Variants in CCDC149 observed in about 807,000 individuals in gnomAD.
CCDC149 encodes coiled-coil domain containing 149, also known as coiled-coil domain-containing protein 149.
In CCDC149, 45 loss-of-function variants were observed where a neutral mutation model predicts 59.9. The observed-to-expected ratio is 0.75, with a 90% CI of 0.59 to 0.96. The LOEUF (loss-of-function observed/expected upper bound fraction) is 0.96. CCDC149 is among the 40% of genes least tolerant of loss of function. The pLI, the probability that CCDC149 is intolerant of heterozygous loss-of-function variation, is 0.00. For synonymous variants in CCDC149, 245 were observed against 260.6 expected, an observed-to-expected ratio of 0.94 and a Z score of 0.58; for missense variants, 584 against 664.7, an observed-to-expected ratio of 0.88 and a Z score of 1.33.
intron 3 of CCDC149, among the ~76,000 whole-genome samples, chr4:24,862,751 T>C (rs1181605933): frequency 1.3e-5 from 2 of 152,232 alleles, no homozygotes; most frequent in African/African-American, 4.8e-5. Flanking sequence ...TCCTGGTTGC[T>C]TTCCCACAAT....
intron 4 of CCDC149, among the ~76,000 whole-genome samples, chr4:24,842,280 T>C (rs1716985175): frequency 1.3e-5 from 2 of 152,272 alleles, no homozygotes; most frequent in South Asian, 4.2e-4. Context: ...GTAATTATCA[T>C]CCTCCTCCTC....
intron 4 of CCDC149, among the ~76,000 whole-genome samples, chr4:24,847,022 TC>T (rs1267527671): frequency 6.6e-6 from 1 of 152,182 alleles, no homozygotes; most frequent in East Asian, 1.9e-4. Context: ...GCAAGAAAGT[TC>T]CCAGGAGCTT....
chr4:24,973,473 A>T (rs1367521099), intron 1 of CCDC149, among the ~76,000 whole-genome samples: 4 of 152,230 alleles, frequency 2.6e-5, no homozygotes, highest in South Asian at 2.1e-4. Context: ...AAGTGCATTT[A>T]AAAAAAGTCT....
At chr4:24,890,331 G>A (rs373242746) in intron 1 of CCDC149, among the ~76,000 whole-genome samples, 6 of 152,170 alleles carry the variant, frequency 3.9e-5, no homozygotes, top group South Asian at 4.2e-4. Flanking sequence ...CTTTACAGGC[G>A]AAGAAACTAA....
intron 1 of CCDC149, among the ~76,000 whole-genome samples, chr4:24,935,479 T>G (rs1421372430): frequency 6.6e-6 from 1 of 152,200 alleles, no homozygotes; most frequent in Admixed American, 6.5e-5. Flanking sequence ...ACCCCCAATA[T>G]GAAGGTATAA....
intron 1 of CCDC149, among the ~76,000 whole-genome samples, chr4:24,879,340 A>G (rs997839895): frequency 1.3e-5 from 2 of 151,942 alleles, no homozygotes; most frequent in Non-Finnish European, 2.9e-5. Context: ...CAAGATGGCA[A>G]AACCCCCTCT....
chr4:24,968,804 G>T (rs1190568716), intron 1 of CCDC149, among the ~76,000 whole-genome samples: 2 of 152,242 alleles, frequency 1.3e-5, no homozygotes, highest in East Asian at 1.9e-4. Flanking sequence ...GTCTATTGGG[G>T]CTTAACCTTG....
At chr4:24,876,004 G>A (rs567963718) in intron 2 of CCDC149, among the ~76,000 whole-genome samples, 3 of 152,094 alleles carry the variant, frequency 2.0e-5, no homozygotes, top group African/African-American at 2.4e-5. Context: ...GTTCTGAGTC[G>A]TGTGATGAAA....
chr4:24,956,998 A>T (rs908328005), intron 1 of CCDC149, among the ~76,000 whole-genome samples: 1 of 152,238 alleles, frequency 6.6e-6, no homozygotes, highest in African/African-American at 2.4e-5. Flanking sequence ...GGTACTAAGC[A>T]CATCACAAAA....
rs147041430 is a variant in CCDC149 at position 24,848,461 on chromosome 4, C to T, written c.372+4611G>A. Among the ~76,000 whole-genome samples, 1,458 of 152,118 alleles carry T rather than the reference C, an allele frequency of 9.6e-3. 14 individuals carry two copies. The highest frequency in any genetic ancestry group is 0.024 in the Middle Eastern group (7 of 292). On this transcript the variant is annotated intron_variant, in intron 4 of 12. Coordinates refer to ENST00000635206, the MANE Select transcript of CCDC149 (RefSeq NM_001330643.2). The stretch of plus-strand genomic sequence containing the variant: ...GCGCGTGCCTGTAGTCCCAGCTACT[C>T]AGGAGGCTGAGGCAGGAGAATCGCT...
intron 11 of CCDC149, 70 bp from the exon 12 acceptor site, chr4:24,820,045 A>T (rs1227492391): frequency 1.8e-6 from 2 of 1,140,392 alleles, no homozygotes; most frequent in Non-Finnish European, 2.5e-6. Flanking sequence ...AGTCCCACAC[A>T]CTTAATCGGC....
In CCDC149 at chr4:24,877,175, C is replaced by CTGTT. The variant is rs35214498; in HGVS notation, c.64-482_64-479dup. 6.8e-4 allele frequency among the ~76,000 whole-genome samples: 103 copies of CTGTT among 151,070 alleles called. 1 individual carries two copies. Among genetic ancestry groups the CTGTT allele is most frequent in the African/African-American group, 1.9e-3 (77 of 41,158 alleles). ...AGAGTAAACCTATATGGTTTTTTGTCTGTTTGTTTGTTTGTTTGTTTGTTT... is the reference window on the plus strand; with the variant it reads ...AGAGTAAACCTATATGGTTTTTTGTCTGTTTGTTTGTTTGTTTGTTTGTTTGTTT... On this transcript the variant is annotated intron_variant, in intron 1 of 12. Coordinates refer to ENST00000635206, the MANE Select transcript of CCDC149 (RefSeq NM_001330643.2).
intron 8 of CCDC149, 28 bp downstream of exon 8, chr4:24,834,919 GC>G (rs1716398183): frequency 5.2e-6 from 8 of 1,537,438 alleles, no homozygotes; most frequent in Non-Finnish European, 7.2e-6. Flanking sequence ...ACGCTCATGA[GC>G]GGTCTCTCCT....
In CCDC149 at chr4:24,806,190, C is replaced by T. The variant is rs1714151060; in HGVS notation, c.*2199G>A. ...GGATGGGGAAAGCAGGGGCAGGACA[C>T]ACGTGTCGCGTATCTATGGGGTGTT... On this transcript the variant is annotated 3_prime_UTR_variant, in exon 13 of 13. Coordinates refer to ENST00000635206, the MANE Select transcript of CCDC149 (RefSeq NM_001330643.2). The T allele has an allele frequency of 6.6e-6, 1 of 152,212 alleles. No individual in the cohort carries two copies. Among genetic ancestry groups the T allele is most frequent in the Admixed American group, 6.5e-5 (1 of 15,284 alleles). The allele number at this position is 152,212 out of a possible 1,614,324, so 9.4% of individuals were successfully genotyped here. A position where few individuals can be genotyped will look rare whatever the true frequency, so the allele number is the denominator to read the frequency against.
rs190013509 is a variant in CCDC149, at chr4:24,832,126, G to A, written c.821-476C>T. Among the ~76,000 whole-genome samples the A allele has an allele frequency of 1.4e-3, 214 of 152,312 alleles. 1 individual carries two copies. Among genetic ancestry groups the A allele is most frequent in the Non-Finnish European group, 1.7e-3 (113 of 68,034 alleles). On this transcript the variant is annotated intron_variant, in intron 8 of 12. Transcript: ENST00000635206. ...GTGTGATACCCCTGGCAGGTGGTAA[G>A]ATAATTTAGGAGATTATTTAAAGTG...
At chr4:24,831,422 T>G in intron 9 of CCDC149, 84 bp downstream of exon 9, 1 of 1,437,794 alleles carries the variant, frequency 7.0e-7, no homozygotes, top group Non-Finnish European at 9.7e-7. Flanking sequence ...AGGTCCGTCG[T>G]TCCAGCTGGT....
chr4:24,959,067 G>A (rs952336411), intron 1 of CCDC149, among the ~76,000 whole-genome samples: 1 of 152,018 alleles, frequency 6.6e-6, no homozygotes, highest in Non-Finnish European at 1.5e-5. Context: ...TCCGCCTCCC[G>A]GGTTCAAGCA....
intron 12 of CCDC149, among the ~76,000 whole-genome samples, chr4:24,810,429 C>A (rs567478183): frequency 6.6e-6 from 1 of 152,148 alleles, no homozygotes; most frequent in Non-Finnish European, 1.5e-5. Flanking sequence ...ATATTACCAA[C>A]CCCTGCAAAC....
chr4:24,853,005 T>C, intron 4 of CCDC149, 67 bp downstream of exon 4: 1 of 935,486 alleles, frequency 1.1e-6, no homozygotes, highest in Non-Finnish European at 1.7e-6. Context: ...TTTTCCGATG[T>C]GCAATATATA....
Sources: gnomAD v4.1 joint callset for allele counts (sites outside exome capture counted in the v4.1 genomes callset) on GRCh38, gnomAD v4.1.1 for gene constraint, MANE v1.5 for transcripts, NCBI Gene and HGNC (gene_info 2026-07-23, HGNC 2026-07-21) for gene names.